The following BDP1 variants were observed in gnomAD, a reference collection of about 807,000 sequenced individuals.
The protein encoded by BDP1 is transcription factor TFIIIB component B'' homolog.
A neutral mutation model predicts 266.6 loss-of-function variants in BDP1; 169 were observed. The observed-to-expected ratio is 0.63, with a 90% CI of 0.56 to 0.72. The LOEUF (loss-of-function observed/expected upper bound fraction) is 0.72, where lower values mean the gene tolerates loss of function less well. Ranked by LOEUF, BDP1 falls within the 30% of genes least tolerant of loss-of-function variation. BDP1 has a pLI of 0.00. For missense variants in BDP1, 3,015 were observed against 3,053.8 expected (o/e 0.99, Z 0.30); for synonymous variants, 1,090 against 1,022.4 (o/e 1.07, Z -1.26).
In BDP1 at chr5:71,545,125, T is replaced by G; in HGVS notation, c.6650T>G (p.Leu2217Arg). Residue 2217 changes from leucine (L) to arginine (R), a missense_variant, in exon 32 of 39, where the codon CTT becomes CGT. By Grantham distance (102) the Leu-to-Arg change is moderately radical. Around this residue, in one of 3 missense-constraint regions of BDP1, gnomAD observed 629 missense variants for 632.5 expected, o/e 0.99. Transcript: ENST00000358731. ...VASSETGPCT[L>R]GLDRGLGENS... Reference sequence around the variant, plus strand: ...TCCTCTGAGACAGGGCCCTGCACACTTGGTTTGGATAGGGGTCTTGGTGAA... The same window carrying G: ...TCCTCTGAGACAGGGCCCTGCACACGTGGTTTGGATAGGGGTCTTGGTGAA... 6.2e-7 allele frequency: 1 copy of G among 1,613,716 alleles called. No individual in the cohort carries two copies. The highest frequency in any genetic ancestry group is 8.5e-7 in the Non-Finnish European group (1 of 1,179,878).
At chr5:71,464,715 G>GTTTTTTTTTTT (rs567761591) in intron 4 of BDP1, among the ~76,000 whole-genome samples, 2 of 88,060 alleles carry the variant, frequency 2.3e-5, no homozygotes, top group Non-Finnish European at 2.2e-5. Flanking sequence ...AAATTTTTTA[G>GTTTTTTTTTTT]TTTTTTTTTT....
chr5:71,495,142 C>G, intron 11 of BDP1, 108 bp from the exon 12 acceptor site: 1 of 588,094 alleles, frequency 1.7e-6, no homozygotes, highest in Non-Finnish European at 2.7e-6. Context: ...TAATGTGAAG[C>G]AGCATCTTGC....
intron 26 of BDP1, among the ~76,000 whole-genome samples, chr5:71,535,941 T>A (rs1441657086): frequency 6.6e-6 from 1 of 152,238 alleles, no homozygotes; most frequent in East Asian, 1.9e-4. Context: ...TTTTAAATAA[T>A]GTCATATTCA....
intron 15 of BDP1, among the ~76,000 whole-genome samples, chr5:71,504,256 G>A (rs1389161358): frequency 2.8e-5 from 4 of 141,242 alleles, no homozygotes; most frequent in South Asian, 2.3e-4. Flanking sequence ...CTGGGCGACC[G>A]AGCAAGACTC....
intron 7 of BDP1, among the ~76,000 whole-genome samples, chr5:71,472,009 C>T (rs1762278528): frequency 6.6e-6 from 1 of 152,188 alleles, no homozygotes; most frequent in Non-Finnish European, 1.5e-5. Flanking sequence ...TGTTAAAATT[C>T]TGTGAAGGCT....
At chr5:71,551,178 C>G (rs569808141) in intron 34 of BDP1, among the ~76,000 whole-genome samples, 23 of 151,892 alleles carry the variant, frequency 1.5e-4, no homozygotes, top group African/African-American at 5.6e-4. Flanking sequence ...TTGGCAGGGT[C>G]ATAGGACAAT....
intron 38 of BDP1, among the ~76,000 whole-genome samples, chr5:71,563,817 T>A (rs1743845736): frequency 6.6e-6 from 1 of 152,098 alleles, no homozygotes; most frequent in Admixed American, 6.5e-5. Context: ...GAGGCTGAGA[T>A]AAGAGAATTG....
chr5:71,480,916 C>T (rs536438936), intron 7 of BDP1, among the ~76,000 whole-genome samples: 2 of 152,280 alleles, frequency 1.3e-5, no homozygotes, highest in East Asian at 3.9e-4. Flanking sequence ...GTGGCTCATG[C>T]CTGTAGTCCC....
At chr5:71,464,146 A>T (rs756724180) in intron 4 of BDP1, 29 bp downstream of exon 4, 10 of 1,340,490 alleles carry the variant, frequency 7.5e-6, no homozygotes, top group African/African-American at 1.5e-5. Flanking sequence ...AATATATTCT[A>T]TTCCTACATT....
chr5:71,535,764 G>A (rs1766559481), intron 26 of BDP1, among the ~76,000 whole-genome samples: 1 of 151,996 alleles, frequency 6.6e-6, no homozygotes. Context: ...TTCTCAGCAT[G>A]CAGCAGCATA....
chr5:71,467,326 C>G (rs910557953), intron 5 of BDP1, 28 bp from the exon 6 acceptor site: 1 of 1,538,910 alleles, frequency 6.5e-7, no homozygotes, highest in Non-Finnish European at 8.9e-7. Context: ...TTTTAGTATA[C>G]ATCTATTTAA....
intron 8 of BDP1, among the ~76,000 whole-genome samples, chr5:71,485,838 A>G (rs1763230020): frequency 6.6e-6 from 1 of 152,244 alleles, no homozygotes; most frequent in Non-Finnish European, 1.5e-5. Flanking sequence ...AGGCATTTCA[A>G]GGACTTCTCA....
intron 35 of BDP1, among the ~76,000 whole-genome samples, chr5:71,553,623 T>A (rs923411317): frequency 6.6e-6 from 1 of 152,288 alleles, no homozygotes; most frequent in Non-Finnish European, 1.5e-5. Context: ...ACCTAGTAGC[T>A]GTAACACCTT....
intron 13 of BDP1, among the ~76,000 whole-genome samples, chr5:71,500,739 C>G (rs1287586475): frequency 6.6e-6 from 1 of 151,760 alleles, no homozygotes; most frequent in Non-Finnish European, 1.5e-5. Flanking sequence ...AGTTTTGTAT[C>G]CTTTGGTAAT....
chr5:71,524,099 C>G lies in BDP1; in HGVS notation c.5548C>G (p.Arg1850Gly). The change falls in exon 25 of 39, where the codon CGG (arginine) becomes GGG (glycine). Residue 1850 changes from arginine (R) to glycine (G), a missense_variant. Arg to Gly is a moderately radical substitution (Grantham distance 125). Transcript: ENST00000358731. ...VTRGRGSKRV[R>G]GKTSKKEPRA... Reference sequence around the variant, plus strand: ...CAGAGGTCGTGGATCAAAACGAGTTCGGGGTAAGACCTCTAAGAAGGAACC... The same window carrying G: ...CAGAGGTCGTGGATCAAAACGAGTTGGGGGTAAGACCTCTAAGAAGGAACC... The G allele has an allele frequency of 6.2e-7, 1 of 1,614,136 alleles. No homozygotes were observed. Among genetic ancestry groups the G allele is most frequent in the Non-Finnish European group, 8.5e-7 (1 of 1,180,034 alleles).
chr5:71,557,529 C>G (rs1174306363), intron 36 of BDP1, among the ~76,000 whole-genome samples: 1 of 151,986 alleles, frequency 6.6e-6, no homozygotes, highest in African/African-American at 2.4e-5. Flanking sequence ...GGACTACAGG[C>G]ACCTGCCACC....
At chr5:71,476,716 T>G (rs1303832154) in intron 7 of BDP1, among the ~76,000 whole-genome samples, 1 of 152,070 alleles carries the variant, frequency 6.6e-6, no homozygotes, top group Non-Finnish European at 1.5e-5. Context: ...TAATTTTCTT[T>G]TTTTTGAGAT....
At chr5:71,466,310 CT>C in intron 5 of BDP1, 89 bp downstream of exon 5, 1 of 1,413,812 alleles carries the variant, frequency 7.1e-7, no homozygotes, top group South Asian at 1.3e-5. Context: ...CTGTATTGGC[CT>C]TTGTCACTTA....
rs921680904 is a variant in BDP1, at chr5:71,479,541, A to ATCTTTT, written c.1015-4287_1015-4282dup. Among the ~76,000 whole-genome samples, 4 of 145,822 alleles carry ATCTTTT rather than the reference A, an allele frequency of 2.7e-5. No homozygotes were observed. In the South Asian group the frequency reaches 8.9e-4, roughly 32 times the overall value. ...CTGAGTCTGCTTGCCAGGGAATGGG[A>ATCTTTT]TCTTTTTCTTTTTCTTTTTTTTTGA... On this transcript the variant is annotated intron_variant, in intron 7 of 38. Transcript: ENST00000358731.
Sources: gnomAD v4.1 joint callset for allele counts (sites outside exome capture counted in the v4.1 genomes callset) on GRCh38, gnomAD v4.1.1 for gene constraint, gnomAD v4.1.1 regional missense constraint, MANE v1.5 for transcripts, NCBI Gene and HGNC (gene_info 2026-07-23, HGNC 2026-07-21) for gene names.